The following PPP1R21 variants were observed in gnomAD, a reference collection of about 807,000 sequenced individuals.
PPP1R21 encodes protein phosphatase 1 regulatory subunit 21, also known as KLRAQ motif containing 1.
PPP1R21 carries 85 observed loss-of-function variants against 112.8 expected under a neutral mutation model. The ratio of observed to expected loss-of-function variants is 0.75; its 90% CI spans 0.63 to 0.90. The LOEUF (loss-of-function observed/expected upper bound fraction) is 0.90. Ranked by LOEUF, PPP1R21 falls within the 40% of genes least tolerant of loss-of-function variation. The pLI, the probability that PPP1R21 is intolerant of heterozygous loss-of-function variation, is 0.00. For missense variants in PPP1R21, 1,199 were observed against 901.5 expected (o/e 1.33, Z -4.23); for synonymous variants, 381 against 322.3 (o/e 1.18, Z -1.95).
intron 16 of PPP1R21, among the ~76,000 whole-genome samples, chr2:48,496,275 G>A (rs1669829206): frequency 6.6e-6 from 1 of 152,202 alleles, no homozygotes; most frequent in African/African-American, 2.4e-5. Flanking sequence ...CATAGTCCTT[G>A]TTACAGTAAA....
chr2:48,479,846 T>A lies in PPP1R21; in HGVS notation c.1226-78T>A, dbSNP rs146602448. On this transcript the variant is annotated intron_variant, in intron 12 of 21. Coordinates refer to ENST00000294952, the MANE Select transcript of PPP1R21 (RefSeq NM_001135629.3). ...CATTACAACCAATCTTCATTCTCTA[T>A]CTTCCCAAAAGTAGAGGGATACAAT... 1.3e-4 allele frequency: 117 copies of A among 892,574 alleles called. No individual in the cohort carries two copies. In the African/African-American group the frequency reaches 1.4e-3, roughly 10 times the overall value. The allele number at this position is 892,574 out of a possible 1,614,324, so 55.3% of individuals were successfully genotyped here.
At chr2:48,450,480 C>T (rs1667424731) in intron 1 of PPP1R21, among the ~76,000 whole-genome samples, 2 of 152,234 alleles carry the variant, frequency 1.3e-5, no homozygotes, top group African/African-American at 2.4e-5. Context: ...ACTGCCCCAG[C>T]TGATGCCCGA....
chr2:48,508,783 C>T (rs1670503694), intron 19 of PPP1R21, among the ~76,000 whole-genome samples: 1 of 152,148 alleles, frequency 6.6e-6, no homozygotes. Context: ...CTGAACTGCC[C>T]TAAAATTTTG....
chr2:48,499,852 G>A (rs1335248297), intron 17 of PPP1R21, among the ~76,000 whole-genome samples: 10 of 152,174 alleles, frequency 6.6e-5, no homozygotes, highest in Admixed American at 6.5e-4. Flanking sequence ...ACACTATTCT[G>A]TTCACTGTAA....
At chr2:48,473,823 A>G (rs1234096249) in intron 11 of PPP1R21, among the ~76,000 whole-genome samples, 1 of 152,206 alleles carries the variant, frequency 6.6e-6, no homozygotes, top group Non-Finnish European at 1.5e-5. Flanking sequence ...AAAACCTTGT[A>G]ATTAAGTTTT....
chr2:48,447,794 C>G (rs1349605927), intron 1 of PPP1R21, among the ~76,000 whole-genome samples: 1 of 151,828 alleles, frequency 6.6e-6, no homozygotes, highest in South Asian at 2.1e-4. Context: ...ACTAAAAATA[C>G]AAAAAATTAG....
chr2:48,478,177 C>A (rs1668843628), intron 12 of PPP1R21, among the ~76,000 whole-genome samples: 1 of 152,158 alleles, frequency 6.6e-6, no homozygotes, highest in African/African-American at 2.4e-5. Flanking sequence ...ACCCTGCCAA[C>A]ACCTTGATTT....
In PPP1R21 at chr2:48,479,993, A is replaced by G. The variant is rs1454861502; in HGVS notation, c.1295A>G (p.His432Arg). Residue 432 changes from histidine (H) to arginine (R), a missense_variant, in exon 13 of 22, where the codon CAT becomes CGT. Physicochemically the swap from His to Arg is conservative, Grantham distance 29 (BLOSUM62 0). Coordinates refer to ENST00000294952, the MANE Select transcript of PPP1R21 (RefSeq NM_001135629.3). The part of the protein sequence containing the change: ...SVLTNVGAAL[H>R]GFHDVMKDIS... ...TTAACAAATGTTGGTGCTGCTCTGC[A>G]TGGATTTCATGACGTTATGAAAGGT... 2 of 1,612,248 alleles carry G rather than the reference A, an allele frequency of 1.2e-6. No individual in the cohort carries two copies. The highest frequency in any genetic ancestry group is 1.7e-5 in the Admixed American group (1 of 60,030).
chr2:48,507,737 G>A (rs1195163666), intron 19 of PPP1R21, among the ~76,000 whole-genome samples: 1 of 131,872 alleles, frequency 7.6e-6, no homozygotes, highest in Non-Finnish European at 1.6e-5. Context: ...ACTGATTTGA[G>A]TGAGGCTCTG....
intron 1 of PPP1R21, among the ~76,000 whole-genome samples, chr2:48,447,978 TA>T (rs200318371): frequency 0.014 from 2,046 of 146,174 alleles, 110 homozygotes; most frequent in Admixed American, 0.093. Context: ...AATAATAAAA[TA>T]AAAAAAAAAG....
At chr2:48,485,989 C>A (rs1325848137) in intron 13 of PPP1R21, among the ~76,000 whole-genome samples, 1 of 147,548 alleles carries the variant, frequency 6.8e-6, no homozygotes, top group South Asian at 2.1e-4. Flanking sequence ...TTAATATATA[C>A]AATTATATAT....
intron 13 of PPP1R21, among the ~76,000 whole-genome samples, chr2:48,482,062 C>G (rs940224387): frequency 2.0e-5 from 3 of 152,298 alleles, no homozygotes; most frequent in South Asian, 2.1e-4. Context: ...CTGAAGAAAT[C>G]TGAAGTCCAA....
chr2:48,503,302 A>G (rs894590488), intron 17 of PPP1R21, among the ~76,000 whole-genome samples: 4 of 152,204 alleles, frequency 2.6e-5, no homozygotes, highest in Non-Finnish European at 4.4e-5. Context: ...ATAAAATTTC[A>G]AATCTTTTAG....
At chr2:48,451,282 T>TA (rs1022143031) in intron 2 of PPP1R21, among the ~76,000 whole-genome samples, 7 of 152,126 alleles carry the variant, frequency 4.6e-5, no homozygotes, top group African/African-American at 1.4e-4. Context: ...CTAAAAATTA[T>TA]AAAAAAAGGT....
chr2:48,471,554 A>G, intron 11 of PPP1R21, 187 bp downstream of exon 11: 1 of 566,876 alleles, frequency 1.8e-6, no homozygotes, highest in Non-Finnish European at 3.0e-6. Flanking sequence ...AAGAAAGTTG[A>G]ATTATAGTCT....
chr2:48,490,541 A>G (rs1457910453), intron 14 of PPP1R21, among the ~76,000 whole-genome samples: 1 of 152,090 alleles, frequency 6.6e-6, no homozygotes, highest in Non-Finnish European at 1.5e-5. Context: ...TTTTTTCTAT[A>G]TTTGTAATTT....
intron 13 of PPP1R21, among the ~76,000 whole-genome samples, chr2:48,481,990 T>G (rs1669034351): frequency 6.6e-6 from 1 of 152,242 alleles, no homozygotes; most frequent in South Asian, 2.1e-4. Context: ...AATGAATTTC[T>G]TATTTAGACT....
intron 1 of PPP1R21, 103 bp downstream of exon 1, chr2:48,441,113 G>A: frequency 2.5e-6 from 2 of 792,732 alleles, no homozygotes; most frequent in South Asian, 2.9e-5. Flanking sequence ...AGGGGCACGC[G>A]AGCGCGCCCC....
intron 7 of PPP1R21, among the ~76,000 whole-genome samples, chr2:48,462,401 C>T (rs1294672108): frequency 6.6e-6 from 1 of 152,140 alleles, no homozygotes; most frequent in Non-Finnish European, 1.5e-5. Context: ...TAAAGAACCT[C>T]CTGGGGTTTC....
Sources: gnomAD v4.1 joint callset for allele counts (sites outside exome capture counted in the v4.1 genomes callset) on GRCh38, gnomAD v4.1.1 for gene constraint, MANE v1.5 for transcripts, NCBI Gene and HGNC (gene_info 2026-07-23, HGNC 2026-07-21) for gene names.